POM121: variants seen among roughly 807,000 people sequenced by gnomAD.
POM121 encodes the protein POM121 transmembrane nucleoporin.
Under a neutral mutation model 81.3 loss-of-function variants are expected in POM121, and 32 were observed. The observed-to-expected ratio is 0.39, with a 90% CI of 0.30 to 0.53. The LOEUF (loss-of-function observed/expected upper bound fraction) is 0.53. Among genes scored for constraint, POM121 ranks in the 20% least tolerant of loss-of-function variants. The pLI is 0.66. For synonymous variants in POM121, 514 were observed against 694.2 expected (o/e 0.74, Z 4.08); for missense variants, 1,138 against 1,614.6 (o/e 0.70, Z 5.06).
intron 5 of POM121, among the ~76,000 whole-genome samples, chr7:72,935,454 CG>C (rs1796421587): frequency 6.6e-6 from 1 of 152,208 alleles, no homozygotes; most frequent in Non-Finnish European, 1.5e-5. Flanking sequence ...GGATTGTAGG[CG>C]TGAGCCACCA....
intron 1 of POM121, among the ~76,000 whole-genome samples, chr7:72,888,532 A>G (rs1790962215): frequency 6.6e-6 from 1 of 152,102 alleles, no homozygotes; most frequent in East Asian, 1.9e-4. Flanking sequence ...TCTTAGTTAT[A>G]TTCCTCTAAT....
chr7:72,929,867 G>A, intron 4 of POM121, 73 bp from the exon 5 acceptor site: 2 of 1,476,460 alleles, frequency 1.4e-6, no homozygotes, highest in Non-Finnish European at 9.0e-7. Flanking sequence ...TAAGAAAGAT[G>A]TCATGACCGT....
intron 5 of POM121, among the ~76,000 whole-genome samples, chr7:72,935,554 C>T (rs1796430749): frequency 6.6e-6 from 1 of 152,040 alleles, no homozygotes. Flanking sequence ...AATCTCGGCT[C>T]ACTGCAGCCT....
At chr7:72,945,273 G>A (rs529851635) in intron 11 of POM121, among the ~76,000 whole-genome samples, 6 of 152,112 alleles carry the variant, frequency 3.9e-5, no homozygotes, top group African/African-American at 9.7e-5. Flanking sequence ...ACCCAGGTAC[G>A]CTAGGAGGCG....
chr7:72,894,637 G>GAGAGAA (rs1228907460), intron 3 of POM121, among the ~76,000 whole-genome samples: 4,943 of 110,264 alleles, frequency 0.045, 322 homozygotes, highest in African/African-American at 0.054. Flanking sequence ...GAGAGAGAGA[G>GAGAGAA]AGAGAGAGAG....
At chr7:72,941,149 C>G (rs1452232359) in intron 10 of POM121, among the ~76,000 whole-genome samples, 156 bp downstream of exon 10, 1 of 149,520 alleles carries the variant, frequency 6.7e-6, no homozygotes, top group Admixed American at 6.7e-5. Flanking sequence ...TTAACAGCGC[C>G]AGAGCCCGCA....
In POM121 at chr7:72,926,297, C is replaced by T; in HGVS notation, c.680C>T (p.Thr227Ile). 6.3e-7 allele frequency: 1 copy of T among 1,581,294 alleles called. No individual in the cohort carries two copies. Among genetic ancestry groups the T allele is most frequent in the South Asian group, 1.1e-5 (1 of 87,708 alleles). ...ACTTTACCAAATCGGTTTGTAATAACACCTAGAAGACGCTATCCGATCCAT... is the reference window on the plus strand; with the variant it reads ...ACTTTACCAAATCGGTTTGTAATAATACCTAGAAGACGCTATCCGATCCAT... ...CGTLPNRFVITPRRRYPIHQA... is the reference protein window; with the variant it reads ...CGTLPNRFVIIPRRRYPIHQA... Residue 227 changes from threonine to isoleucine, a missense_variant, in exon 2 of 13, where the codon ACA (threonine) becomes ATA (isoleucine). Around this residue, in one of 7 missense-constraint regions of POM121, gnomAD observed 646 missense variants for 633.5 expected, o/e 1.02. Transcript: ENST00000434423.
chr7:72,936,591 T>C (rs1220853781), intron 5 of POM121, among the ~76,000 whole-genome samples: 1 of 152,148 alleles, frequency 6.6e-6, no homozygotes, highest in Non-Finnish European at 1.5e-5. Context: ...TTTGTATTTC[T>C]AGAAGAGATG....
intron 3 of POM121, among the ~76,000 whole-genome samples, chr7:72,896,423 C>T (rs1791956413): frequency 6.8e-6 from 1 of 147,032 alleles, no homozygotes; most frequent in Non-Finnish European, 1.5e-5. Context: ...GAGGTCAAGG[C>T]TGCAGTGGGC....
Position 72,926,330 on chromosome 7 carries a change from A to C in POM121, c.713A>C (p.Gln238Pro), listed in dbSNP as rs782200334. The C allele has an allele frequency of 2.5e-6, 4 of 1,611,380 alleles. No homozygotes were observed. Among genetic ancestry groups the C allele is most frequent in the Non-Finnish European group, 3.4e-6 (4 of 1,178,612 alleles). Reference sequence around the variant, plus strand: ...AGACGCTATCCGATCCATCAGGCCCAGTATTCCTGTCTGGGGGTACTTCCC... The same window carrying C: ...AGACGCTATCCGATCCATCAGGCCCCGTATTCCTGTCTGGGGGTACTTCCC... ...PRRRYPIHQA[Q>P]YSCLGVLPTV... The change falls in exon 2 of 13, where the codon CAG (glutamine) becomes CCG (proline). Residue 238 changes from glutamine (Q) to proline (P), a missense_variant. Around this residue, in one of 7 missense-constraint regions of POM121, gnomAD observed 646 missense variants for 633.5 expected, o/e 1.02. Transcript: ENST00000434423.
In POM121 at chr7:72,917,205, T is replaced by C. The variant is rs111913519; in HGVS notation, c.-152+3377T>C. 1.1e-3 allele frequency among the ~76,000 whole-genome samples: 161 copies of C among 152,374 alleles called. 1 individual carries two copies. Among genetic ancestry groups the C allele is most frequent in the African/African-American group, 2.8e-3 (117 of 41,594 alleles). Reference sequence around the variant, plus strand: ...CATGTGTGGTCACTGAAGTCTCTGATTCTTTTAGCTTGTGTTCAGCTCACA... The same window carrying C: ...CATGTGTGGTCACTGAAGTCTCTGACTCTTTTAGCTTGTGTTCAGCTCACA... On this transcript the variant is annotated intron_variant, in intron 4 of 15. Coordinates refer to the POM121 transcript ENST00000395270.
intron 5 of POM121, among the ~76,000 whole-genome samples, chr7:72,933,051 C>CA (rs1335219609): frequency 0.061 from 5,831 of 95,622 alleles, 144 homozygotes; most frequent in Middle Eastern, 0.16. Context: ...GACTCTGTCT[C>CA]AAAAAAAAAA....
chr7:72,929,849 C>A, intron 4 of POM121, 91 bp from the exon 5 acceptor site: 1 of 1,446,242 alleles, frequency 6.9e-7, no homozygotes, highest in African/African-American at 1.4e-5. Context: ...CTCTTCCCTT[C>A]ATGTTATTAA....
At chr7:72,880,752 G>T (rs1554489177) in intron 1 of POM121, among the ~76,000 whole-genome samples, 1 of 149,490 alleles carries the variant, frequency 6.7e-6, no homozygotes, top group African/African-American at 2.5e-5. Context: ...CAGGCATGCT[G>T]GGATGCATCT....
chr7:72,905,204 C>T (rs1554493229), intron 3 of POM121, among the ~76,000 whole-genome samples: 1 of 152,110 alleles, frequency 6.6e-6, no homozygotes, highest in Non-Finnish European at 1.5e-5. Context: ...TGATATCAGT[C>T]AACACGTTAT....
At chr7:72,884,191 G>A (rs1426687964) in intron 1 of POM121, among the ~76,000 whole-genome samples, 5 of 152,102 alleles carry the variant, frequency 3.3e-5, no homozygotes, top group Non-Finnish European at 5.9e-5. Flanking sequence ...GAGCCACCAC[G>A]GCTGGCCTAG....
chr7:72,882,959 G>A (rs1790311200), intron 1 of POM121, among the ~76,000 whole-genome samples: 1 of 152,082 alleles, frequency 6.6e-6, no homozygotes, highest in South Asian at 2.1e-4. Context: ...TCTCCATGGA[G>A]TCTCTCTTTT....
At chr7:72,911,740 G>A (rs1466153453) in intron 3 of POM121, among the ~76,000 whole-genome samples, 1 of 152,224 alleles carries the variant, frequency 6.6e-6, no homozygotes, top group Non-Finnish European at 1.5e-5. Flanking sequence ...TGGCAAGCAT[G>A]TAGGAGAGCC....
At chr7:72,899,575 A>ATT (rs10709124) in intron 3 of POM121, among the ~76,000 whole-genome samples, 141 of 121,440 alleles carry the variant, frequency 1.2e-3, no homozygotes, top group Middle Eastern at 4.5e-3. Context: ...TTGATATTAC[A>ATT]TTTTTTTTTT....
Sources: gnomAD v4.1 joint callset for allele counts (sites outside exome capture counted in the v4.1 genomes callset) on GRCh38, gnomAD v4.1.1 for gene constraint, gnomAD v4.1.1 regional missense constraint, MANE v1.5 for transcripts, NCBI Gene and HGNC (gene_info 2026-07-23, HGNC 2026-07-21) for gene names.